The following TERF1 variants were observed in gnomAD, a reference collection of about 807,000 sequenced individuals.
TERF1 encodes telomeric repeat-binding factor 1.
TERF1 carries 20 observed loss-of-function variants against 55.1 expected under a neutral mutation model. The ratio of observed to expected loss-of-function variants is 0.36; its 90% CI spans 0.26 to 0.53. The LOEUF (loss-of-function observed/expected upper bound fraction) is 0.53, where lower values mean the gene tolerates loss of function less well. Ranked by LOEUF, TERF1 falls within the 20% of genes least tolerant of loss-of-function variation. The pLI is 0.91. For missense variants in TERF1, 439 were observed against 535.7 expected (o/e 0.82, Z 1.78); for synonymous variants, 168 against 181.2 (o/e 0.93, Z 0.59).
intron 2 of TERF1, among the ~76,000 whole-genome samples, chr8:73,018,345 C>G (rs1191036905): frequency 3.3e-5 from 5 of 152,208 alleles, no homozygotes. Context: ...CATGCTCACT[C>G]TGGTTTTTCA....
intron 2 of TERF1, among the ~76,000 whole-genome samples, chr8:73,016,989 C>T (rs920432439): frequency 6.6e-6 from 1 of 152,064 alleles, no homozygotes; most frequent in African/African-American, 2.4e-5. Context: ...CATGGCTATC[C>T]CATGTCTTTA....
intron 2 of TERF1, among the ~76,000 whole-genome samples, chr8:73,017,467 A>G (rs1808558164): frequency 6.6e-6 from 1 of 152,060 alleles, no homozygotes; most frequent in African/African-American, 2.4e-5. Context: ...TATCTTTTGT[A>G]CACCTCTTTC....
intron 1 of TERF1, chr8:73,009,460 A>G (rs1808187020): frequency 1.9e-6 from 1 of 521,376 alleles, no homozygotes; most frequent in Non-Finnish European, 3.4e-6. Flanking sequence ...CAAGCATTAA[A>G]TGAGTTAAAA....
At chr8:73,034,306 A>G (rs916453656) in intron 8 of TERF1, among the ~76,000 whole-genome samples, 1 of 151,250 alleles carries the variant, frequency 6.6e-6, no homozygotes, top group African/African-American at 2.4e-5. Context: ...AGATTTTTGT[A>G]TTTTTAGTAG....
chr8:73,045,817 T>TA, intron 9 of TERF1, 144 bp from the exon 10 acceptor site: 2 of 621,266 alleles, frequency 3.2e-6, no homozygotes, highest in East Asian at 3.3e-5. Flanking sequence ...TAAAATCTTT[T>TA]AAAAATCTAA....
chr8:73,023,342 G>A (rs1371539215), intron 4 of TERF1, among the ~76,000 whole-genome samples: 1 of 152,200 alleles, frequency 6.6e-6, no homozygotes, highest in African/African-American at 2.4e-5. Flanking sequence ...GTGCTATCCT[G>A]TTGGATTTTA....
At chr8:73,037,243 A>C (rs1161338770) in intron 8 of TERF1, among the ~76,000 whole-genome samples, 1 of 137,222 alleles carries the variant, frequency 7.3e-6, no homozygotes, top group African/African-American at 2.7e-5. Context: ...TTTATATATA[A>C]TTATAAAGCT....
intron 8 of TERF1, among the ~76,000 whole-genome samples, chr8:73,033,484 C>T (rs1427648783): frequency 6.6e-6 from 1 of 152,138 alleles, no homozygotes; most frequent in East Asian, 1.9e-4. Flanking sequence ...AGTCCTAGCA[C>T]TTTGGGACGC....
chr8:73,014,216 T>G (rs1004448124), intron 2 of TERF1, among the ~76,000 whole-genome samples: 2 of 135,710 alleles, frequency 1.5e-5, no homozygotes, highest in African/African-American at 2.9e-5. Flanking sequence ...AACTTTAGCC[T>G]GCTCCAGAAT....
intron 2 of TERF1, among the ~76,000 whole-genome samples, chr8:73,017,805 C>T (rs888857179): frequency 2.0e-5 from 3 of 151,738 alleles, no homozygotes; most frequent in East Asian, 1.9e-4. Flanking sequence ...CGGGTTCAAG[C>T]GATTCTTCTG....
intron 8 of TERF1, 74 bp downstream of exon 8, chr8:73,032,207 A>G: frequency 5.7e-6 from 6 of 1,056,142 alleles, no homozygotes. Flanking sequence ...TGACTTTACC[A>G]CTATAGCAAA....
At chr8:73,040,946 GTTCT>G (rs1274447722) in intron 9 of TERF1, among the ~76,000 whole-genome samples, 2 of 152,010 alleles carry the variant, frequency 1.3e-5, no homozygotes, top group Non-Finnish European at 2.9e-5. Context: ...TTTCCCTTTG[GTTCT>G]TTCTTAGAGT....
At chr8:73,017,368 C>G (rs1446858298) in intron 2 of TERF1, among the ~76,000 whole-genome samples, 1 of 152,112 alleles carries the variant, frequency 6.6e-6, no homozygotes, top group African/African-American at 2.4e-5. Flanking sequence ...GTACTACTTG[C>G]TTGGTGTGTG....
chr8:73,036,971 T>A (rs1340926801), intron 8 of TERF1, among the ~76,000 whole-genome samples: 2 of 140,972 alleles, frequency 1.4e-5, no homozygotes, highest in Non-Finnish European at 3.0e-5. Flanking sequence ...GATTTTTTTT[T>A]AAAGATTTGT....
At chr8:73,029,545 G>A (rs1399381533) in intron 6 of TERF1, among the ~76,000 whole-genome samples, 1 of 151,030 alleles carries the variant, frequency 6.6e-6, no homozygotes, top group Non-Finnish European at 1.5e-5. Flanking sequence ...GAGCCCGGCA[G>A]GTCTGCAGTA....
At chr8:73,013,848 C>T (rs750505313) in intron 1 of TERF1, 47 bp from the exon 2 acceptor site, 1 of 1,276,696 alleles carries the variant, frequency 7.8e-7, no homozygotes, top group East Asian at 2.3e-5. Flanking sequence ...AGTGGCACTA[C>T]TGGATCAAGT....
chr8:73,013,612 A>C, intron 1 of TERF1: 1 of 266,092 alleles, frequency 3.8e-6, no homozygotes. Context: ...ATGATTTTAC[A>C]CATTTTACAA....
At chr8:73,031,822 A>G in intron 7 of TERF1, 1 of 343,122 alleles carries the variant, frequency 2.9e-6, no homozygotes, top group Admixed American at 4.7e-5. Flanking sequence ...AAACATCTTG[A>G]TTTCTGCGGA....
intron 7 of TERF1, 34 bp downstream of exon 7, chr8:73,030,429 T>G: frequency 2.9e-6 from 4 of 1,389,966 alleles, no homozygotes; most frequent in Non-Finnish European, 3.8e-6. Context: ...TCTTTGTCTT[T>G]CAAATCTTTG....
Sources: gnomAD v4.1 joint callset for allele counts (sites outside exome capture counted in the v4.1 genomes callset) on GRCh38, gnomAD v4.1.1 for gene constraint, MANE v1.5 for transcripts, NCBI Gene and HGNC (gene_info 2026-07-23, HGNC 2026-07-21) for gene names.